ACSS3: variants seen among roughly 807,000 people sequenced by gnomAD.
The protein encoded by ACSS3 is acyl-CoA synthetase short chain family member 3.
A neutral mutation model predicts 84.2 loss-of-function variants in ACSS3; 64 were observed. The ratio of observed to expected loss-of-function variants is 0.76; its 90% CI spans 0.62 to 0.94. The LOEUF (loss-of-function observed/expected upper bound fraction) is 0.94, where lower values mean the gene tolerates loss of function less well. ACSS3 is among the 40% of genes least tolerant of loss of function. The pLI is 0.00. For synonymous variants in ACSS3, 317 were observed against 310.1 expected, an observed-to-expected ratio of 1.02 and a Z score of -0.23; for missense variants, 815 against 867.6, an observed-to-expected ratio of 0.94 and a Z score of 0.76.
At chr12:81,243,697 A>G (rs1255979675) in intron 13 of ACSS3, among the ~76,000 whole-genome samples, 1 of 152,192 alleles carries the variant, frequency 6.6e-6, no homozygotes, top group African/African-American at 2.4e-5. Context: ...GCCCTCAGAA[A>G]TAACGCCACA....
At chr12:81,084,912 G>A (rs1334667059) in intron 1 of ACSS3, among the ~76,000 whole-genome samples, 1 of 152,196 alleles carries the variant, frequency 6.6e-6, no homozygotes, top group African/African-American at 2.4e-5. Flanking sequence ...GCACATTACA[G>A]AGTGAACTGG....
At chr12:81,249,082 T>C (rs1244399713) in intron 13 of ACSS3, among the ~76,000 whole-genome samples, 3 of 151,990 alleles carry the variant, frequency 2.0e-5, no homozygotes, top group Admixed American at 6.6e-5. Flanking sequence ...TAAGTAATAA[T>C]CAAGTCTATT....
intron 9 of ACSS3, among the ~76,000 whole-genome samples, chr12:81,201,335 G>A (rs1010937494): frequency 6.6e-6 from 1 of 152,194 alleles, no homozygotes; most frequent in East Asian, 1.9e-4. Flanking sequence ...AACGTGACCC[G>A]ACACAAACGC....
chr12:81,171,995 T>C (rs2030084533), intron 7 of ACSS3, among the ~76,000 whole-genome samples: 1 of 152,052 alleles, frequency 6.6e-6, no homozygotes, highest in Non-Finnish European at 1.5e-5. Context: ...AGTAAAACTA[T>C]GGTATCACGC....
At chr12:81,078,538 A>C (rs770975659) in intron 1 of ACSS3, 107 bp downstream of exon 1, 6 of 1,263,064 alleles carry the variant, frequency 4.8e-6, no homozygotes, top group Non-Finnish European at 6.6e-6. Context: ...AAGAAAATTG[A>C]AACTGGAGAT....
chr12:81,129,521 A>T (rs2121549737), intron 2 of ACSS3, among the ~76,000 whole-genome samples: 1 of 152,224 alleles, frequency 6.6e-6, no homozygotes, highest in Non-Finnish European at 1.5e-5. Flanking sequence ...TAAATTTAAT[A>T]TGCTGGTTCA....
intron 15 of ACSS3, among the ~76,000 whole-genome samples, chr12:81,254,138 C>T (rs539515156): frequency 2.6e-5 from 4 of 152,068 alleles, no homozygotes; most frequent in Non-Finnish European, 5.9e-5. Context: ...CCATGTTGCC[C>T]AGGGTGGTCT....
chr12:81,151,754 G>C, intron 5 of ACSS3, 90 bp from the exon 6 acceptor site: 3 of 1,122,262 alleles, frequency 2.7e-6, no homozygotes, highest in Non-Finnish European at 3.8e-6. Context: ...AAATACTTTT[G>C]ACCAGGAACT....
intron 1 of ACSS3, among the ~76,000 whole-genome samples, chr12:81,098,558 C>T (rs761097125): frequency 1.2e-4 from 18 of 152,216 alleles, no homozygotes; most frequent in Non-Finnish European, 2.4e-4. Flanking sequence ...ACTGTATTTA[C>T]CTCACAGAGT....
In ACSS3 at chr12:81,156,209, C is replaced by A. The variant is rs200405633; in HGVS notation, c.1098+4113C>A. ...AAACACACACACACACACACACACCCCACACACACACACACACACACGTCT... is the reference window on the plus strand; with the variant it reads ...AAACACACACACACACACACACACCACACACACACACACACACACACGTCT... On this transcript the variant is annotated intron_variant, in intron 7 of 15. Coordinates refer to ENST00000548058, the MANE Select transcript of ACSS3 (RefSeq NM_024560.4). 3.7e-4 allele frequency among the ~76,000 whole-genome samples: 54 copies of A among 147,170 alleles called. No homozygotes were observed. The East Asian group carries it at 4.1e-3, about 11-fold the overall frequency.
chr12:81,172,129 T>C (rs763480554), intron 7 of ACSS3, among the ~76,000 whole-genome samples: 3 of 151,870 alleles, frequency 2.0e-5, no homozygotes, highest in Non-Finnish European at 2.9e-5. Context: ...TAGCTGGGCA[T>C]GGTGGCAGGT....
rs758793740 is a variant in ACSS3 at position 81,143,089 on chromosome 12, T to C, written c.781-18T>C. 1.2e-5 allele frequency: 20 copies of C among 1,606,642 alleles called. 1 individual carries two copies. The highest frequency in any genetic ancestry group is 3.3e-5 in the South Asian group (3 of 90,104). On this transcript the variant is annotated intron_variant, in intron 4 of 15. Transcript: ENST00000548058. ...ATCTCCTTATTACAGTACATATTCT[T>C]ATATTTTTGCTGTGTAGGAGGCGGT...
At position 81,175,420 on chromosome 12, in the gene ACSS3, G is replaced by C. The variant is rs372648585; in HGVS notation, c.1250+481G>C. On this transcript the variant is annotated intron_variant, in intron 8 of 15. Transcript: ENST00000548058. ...TTAGGTAAACACAGAATAATAGTGG[G>C]AGACATCAGGACCACACTGACAGTA... Among the ~76,000 whole-genome samples the C allele has an allele frequency of 3.9e-5, 6 of 152,248 alleles. No individual in the cohort carries two copies. In the East Asian group the frequency reaches 1.2e-3, roughly 29 times the overall value.
At chr12:81,196,628 T>G (rs1333501179) in intron 8 of ACSS3, among the ~76,000 whole-genome samples, 1 of 152,092 alleles carries the variant, frequency 6.6e-6, no homozygotes, top group East Asian at 1.9e-4. Context: ...GGATAATTTA[T>G]ATAGAAAAGA....
At chr12:81,162,486 G>C (rs1887200055) in intron 7 of ACSS3, among the ~76,000 whole-genome samples, 1 of 152,160 alleles carries the variant, frequency 6.6e-6, no homozygotes, top group African/African-American at 2.4e-5. Flanking sequence ...TCAGAAGGGA[G>C]AAAGTGCATG....
chr12:81,210,591 T>C (rs768507779), intron 9 of ACSS3, among the ~76,000 whole-genome samples: 4 of 152,188 alleles, frequency 2.6e-5, no homozygotes, highest in African/African-American at 4.8e-5. Context: ...CTGATTCCAA[T>C]ATATACCCAG....
At chr12:81,119,748 T>G (rs1744923659) in intron 2 of ACSS3, among the ~76,000 whole-genome samples, 1 of 152,142 alleles carries the variant, frequency 6.6e-6, no homozygotes, top group South Asian at 2.1e-4. Flanking sequence ...ATCACTGTTA[T>G]TCTGTTCTTT....
chr12:81,240,987 TC>T (rs1025356703), intron 13 of ACSS3, among the ~76,000 whole-genome samples: 2 of 54,316 alleles, frequency 3.7e-5, no homozygotes, highest in Non-Finnish European at 6.8e-5. Context: ...CCCTCCCCCC[TC>T]CCCCCACCCC....
At position 81,121,738 on chromosome 12, in the gene ACSS3, C is replaced by T. The variant is rs765241228; in HGVS notation, c.456+12034C>T. On this transcript the variant is annotated intron_variant, in intron 2 of 15. Coordinates refer to ENST00000548058, the MANE Select transcript of ACSS3 (RefSeq NM_024560.4). ...TGCTGTGACCCTGGGGCTTTGAGTT[C>T]GGTGACATGTTCCCTGTGATGCCTC... Among the ~76,000 whole-genome samples the T allele has an allele frequency of 1.1e-3, 162 of 152,056 alleles. 1 individual carries two copies. In the Middle Eastern group the frequency reaches 0.017, roughly 16 times the overall value.
Sources: gnomAD v4.1 joint callset for allele counts (sites outside exome capture counted in the v4.1 genomes callset) on GRCh38, gnomAD v4.1.1 for gene constraint, MANE v1.5 for transcripts, NCBI Gene and HGNC (gene_info 2026-07-23, HGNC 2026-07-21) for gene names.